Variants in HCN2 observed in about 807,000 individuals in gnomAD.
HCN2 encodes potassium/sodium hyperpolarization-activated cyclic nucleotide-gated channel 2.
HCN2 carries 20 observed loss-of-function variants against 52.3 expected under a neutral mutation model. The observed-to-expected ratio is 0.38, with a 90% confidence interval of 0.27 to 0.56. The LOEUF is 0.56. Among genes scored for constraint, HCN2 ranks in the 20% least tolerant of loss-of-function variants. HCN2 has a pLI of 0.71. For missense variants in HCN2, 981 were observed against 1,207.7 expected, an observed-to-expected ratio of 0.81 and a Z score of 2.78; for synonymous variants, 694 against 537.0, an observed-to-expected ratio of 1.29 and a Z score of -4.04.
At chr19:613,027 A>G (rs1372543984) in intron 5 of HCN2, among the ~76,000 whole-genome samples, 1 of 152,080 alleles carries the variant, frequency 6.6e-6, no homozygotes, top group Non-Finnish European at 1.5e-5. Flanking sequence ...GTCCGATTGT[A>G]TTGGCAGATG....
chr19:599,574 T>C (rs1164302827), intron 1 of HCN2, among the ~76,000 whole-genome samples: 1 of 150,644 alleles, frequency 6.6e-6, no homozygotes, highest in East Asian at 2.0e-4. Flanking sequence ...GGTCAGGAGT[T>C]CGAGACCATC....
intron 7 of HCN2, among the ~76,000 whole-genome samples, chr19:614,563 G>A (rs935901247): frequency 3.3e-5 from 5 of 152,150 alleles, no homozygotes; most frequent in Admixed American, 3.3e-4. Context: ...TTCGTGGAGT[G>A]GACACAGCAC....
At position 590,244 on chromosome 19, in the gene HCN2, G is replaced by T. The variant is rs1322079191; in HGVS notation, c.299G>T (p.Gly100Val). ...AGCACGGCCAAGGGCAGCCCGAACGGCGAGTGCGGGCGCGGCGAGCCGCAG... is the reference window on the plus strand; with the variant it reads ...AGCACGGCCAAGGGCAGCCCGAACGTCGAGTGCGGGCGCGGCGAGCCGCAG... ...AASTAKGSPN[G>V]ECGRGEPQCS... Residue 100 changes from glycine to valine, a missense_variant, in exon 1 of 8, where the codon GGC becomes GTC. This residue lies in a region of HCN2 where 215 missense variants were observed against 179.4 expected (regional missense o/e 1.20). Transcript: ENST00000251287. This position sits in a 1 kb window ranked among gnomAD's most constrained non-coding sequence, Gnocchi z 7.2. 8.1e-6 allele frequency: 8 copies of T among 988,298 alleles called. No individual in the cohort carries two copies. The highest frequency in any genetic ancestry group is 9.6e-6 in the Non-Finnish European group (8 of 833,530). 61.2% of individuals were successfully genotyped at this position (988,298 alleles called of 1,614,324 possible).
intron 1 of HCN2, among the ~76,000 whole-genome samples, chr19:595,971 G>A (rs1190118201): frequency 1.3e-5 from 2 of 152,158 alleles, no homozygotes; most frequent in East Asian, 1.9e-4. Context: ...TCCCCAACCC[G>A]GGACTCAGGC....
Position 613,502 on chromosome 19 carries a change from GGGCGCGCCT to G in HCN2, c.1825+17_1825+25del. 6.3e-7 allele frequency: 1 copy of G among 1,576,116 alleles called. No homozygotes were observed. On this transcript the variant is annotated intron_variant, in intron 6 of 7. Transcript: ENST00000251287. Reference sequence around the variant, plus strand: ...CCTACTTCGGGGGTGAGCTTGAGGGGGGCGCGCCTGGAGGGGGAGGGGGCACGCGACCCC... The same window carrying G: ...CCTACTTCGGGGGTGAGCTTGAGGGGGGAGGGGGAGGGGGCACGCGACCCC...
Position 591,503 on chromosome 19 carries a change from G to T in HCN2, c.632+926G>T, listed in dbSNP as rs1982871847. ...GCCCGGGGCCGGTGTGCACCGGTGG[G>T]CAGTAGTGTGAGCCGCAGGCAGGTC... is the stretch of plus-strand genomic sequence containing the variant. On this transcript the variant is annotated intron_variant, in intron 1 of 7. Transcript: ENST00000251287. This position sits in a 1 kb window ranked among gnomAD's most constrained non-coding sequence, Gnocchi z 4.1. Among the ~76,000 whole-genome samples, 1 of 152,142 alleles carries T rather than the reference G, an allele frequency of 6.6e-6. No individual in the cohort carries two copies.
intron 5 of HCN2, among the ~76,000 whole-genome samples, chr19:611,402 G>GGT (rs1983631284): frequency 1.3e-5 from 2 of 152,180 alleles, no homozygotes; most frequent in East Asian, 3.9e-4. Context: ...TGTGAGCCAG[G>GGT]CAGGGTGTCC....
Position 605,229 on chromosome 19 carries a change from G to C in HCN2, c.1218+7G>C. The C allele has an allele frequency of 6.2e-7, 1 of 1,609,440 alleles. No homozygotes were observed. On this transcript the variant is annotated splice_region_variant and intron_variant, in intron 3 of 7. Coordinates refer to ENST00000251287, the MANE Select transcript of HCN2 (RefSeq NM_001194.4). Reference sequence around the variant, plus strand: ...GTCCATCAATGGCATGGTGGTGAGCGCCGCGGGCCCTGACGGAGGGGGAGA... The same window carrying C: ...GTCCATCAATGGCATGGTGGTGAGCCCCGCGGGCCCTGACGGAGGGGGAGA...
intron 3 of HCN2, among the ~76,000 whole-genome samples, chr19:606,332 C>T (rs906527027): frequency 4.6e-5 from 7 of 151,846 alleles, no homozygotes; most frequent in Admixed American, 1.3e-4. Context: ...AACTCCTGAC[C>T]TCAGGTGATC....
At chr19:598,682 A>G (rs1331027596) in intron 1 of HCN2, among the ~76,000 whole-genome samples, 4 of 151,806 alleles carry the variant, frequency 2.6e-5, no homozygotes, top group African/African-American at 9.7e-5. Flanking sequence ...GCTCACTGCA[A>G]GCTCCGCCTC....
chr19:611,128 G>C (rs1432927744), intron 5 of HCN2, among the ~76,000 whole-genome samples: 1 of 152,224 alleles, frequency 6.6e-6, no homozygotes, highest in Non-Finnish European at 1.5e-5. Flanking sequence ...GGCCATGTCT[G>C]CAGAGACCCT....
intron 1 of HCN2, among the ~76,000 whole-genome samples, chr19:596,276 G>A (rs1273195113): frequency 4.6e-5 from 7 of 152,358 alleles, no homozygotes; most frequent in Non-Finnish European, 7.3e-5. Flanking sequence ...TGTCAGAGCC[G>A]AGAGAGAGGC....
chr19:613,838 C>T lies in HCN2; in HGVS notation c.1826-14C>T, dbSNP rs776935361. The T allele has an allele frequency of 7.2e-6, 11 of 1,535,974 alleles. 1 individual carries two copies. The East Asian group carries it at 9.9e-5, about 14-fold the overall frequency. ...CGCCTCGTCCAGCAACCCCCCCCTG[C>T]GCGCCACGTGCAGAGATCTGCCTGC... On this transcript the variant is annotated splice_polypyrimidine_tract_variant and intron_variant, in intron 6 of 7. Transcript: ENST00000251287.
chr19:590,782 G>C lies in HCN2; in HGVS notation c.632+205G>C. The C allele has an allele frequency of 3.2e-6, 1 of 312,532 alleles. No homozygotes were observed. Among genetic ancestry groups the C allele is most frequent in the Non-Finnish European group, 5.8e-6 (1 of 173,196 alleles). 19.4% of individuals were successfully genotyped at this position (312,532 alleles called of 1,614,324 possible). A position where few individuals can be genotyped will look rare whatever the true frequency, so the allele number is the denominator to read the frequency against. On this transcript the variant is annotated intron_variant, in intron 1 of 7. Transcript: ENST00000251287. The surrounding 1 kb of genome is among the most constrained non-coding windows in gnomAD (Gnocchi z 7.2). ...CCGCCTCTGGGGGGGCTCCCCGGGTGACCGCGGAGCGCCCCCCTCCCACGC... is the reference window on the plus strand; with the variant it reads ...CCGCCTCTGGGGGGGCTCCCCGGGTCACCGCGGAGCGCCCCCCTCCCACGC...
rs1402890548 is a variant in HCN2, at chr19:590,062, G to T, written c.117G>T (p.Pro39=). The T allele has an allele frequency of 3.1e-6, 2 of 637,016 alleles. No individual in the cohort carries two copies. Among genetic ancestry groups the T allele is most frequent in the Non-Finnish European group, 1.9e-6 (1 of 522,416 alleles). 39.5% of individuals were successfully genotyped at this position (637,016 alleles called of 1,614,324 possible). A position where few individuals can be genotyped will look rare whatever the true frequency, so the allele number is the denominator to read the frequency against. Residue 39 remains proline (P), a synonymous_variant, in exon 1 of 8, where the codon CCG becomes CCT. Coordinates refer to ENST00000251287, the MANE Select transcript of HCN2 (RefSeq NM_001194.4). The surrounding 1 kb of genome is among the most constrained non-coding windows in gnomAD (Gnocchi z 7.2). The stretch of plus-strand genomic sequence containing the variant: ...CCCAACAGCAGCCGCCGCCGCCGCC[G>T]CCGCCCGCGCCCCCCCCGGGCCCCG... ...APPQQQPPPP[P]PPAPPPGPGP... is the part of the protein sequence containing the mutation.
At chr19:595,505 G>A (rs1418533460) in intron 1 of HCN2, among the ~76,000 whole-genome samples, 2 of 151,946 alleles carry the variant, frequency 1.3e-5, no homozygotes, top group Non-Finnish European at 2.9e-5. Flanking sequence ...GGAACCCGGA[G>A]CATCAACCTC....
intron 1 of HCN2, among the ~76,000 whole-genome samples, chr19:599,168 G>T (rs1470737331): frequency 6.6e-6 from 1 of 152,232 alleles, no homozygotes; most frequent in Non-Finnish European, 1.5e-5. Flanking sequence ...GAACATTTTG[G>T]TACAAATGGC....
Position 607,968 on chromosome 19 carries a change from A to G in HCN2, c.1223A>G (p.His408Arg), listed in dbSNP as rs1600530006. Reference protein sequence around the residue: ...CWVSINGMVNHSWSELYSFAL... With the variant: ...CWVSINGMVNRSWSELYSFAL... ...CCCCTCCTGCTGGCCTTGCAGAACC[A>G]CTCGTGGAGTGAACTGTACTCCTTC... The change falls in exon 4 of 8, where the codon CAC becomes CGC. Residue 408 changes from histidine to arginine, a missense_variant. Transcript: ENST00000251287. The G allele has an allele frequency of 6.2e-7, 1 of 1,607,618 alleles. No homozygotes were observed. The highest frequency in any genetic ancestry group is 8.5e-7 in the Non-Finnish European group (1 of 1,176,526).
At position 617,142 on chromosome 19, in the gene HCN2, C is replaced by G. The variant is rs970001941; in HGVS notation, c.*668C>G. 10 of 527,584 alleles carry G rather than the reference C, an allele frequency of 1.9e-5. No homozygotes were observed. Among genetic ancestry groups the G allele is most frequent in the East Asian group, 1.5e-4 (3 of 20,134 alleles). 32.7% of individuals were successfully genotyped at this position (527,584 alleles called of 1,614,324 possible). ...CCACACCCCCATTCCGCGCAATAAA[C>G]GACAGCATTGGCGCCAAGCCTGGCC... is the stretch of plus-strand genomic sequence containing the variant. On this transcript the variant is annotated 3_prime_UTR_variant, in exon 8 of 8. Coordinates refer to ENST00000251287, the MANE Select transcript of HCN2 (RefSeq NM_001194.4).
Sources: allele counts gnomAD v4.1 joint callset (sites outside exome capture counted in the v4.1 genomes callset), GRCh38; gene constraint gnomAD v4.1.1; regional missense constraint gnomAD v4.1.1; non-coding constraint Gnocchi (gnomAD v3.1); transcripts MANE v1.5; gene names NCBI Gene and HGNC (gene_info 2026-07-23, HGNC 2026-07-21).